The following FARS2 variants were observed in gnomAD, a reference collection of about 807,000 sequenced individuals.
FARS2 encodes phenylalanyl-tRNA synthetase 2, mitochondrial.
A neutral mutation model predicts 46.4 loss-of-function variants in FARS2; 40 were observed. That is an observed-to-expected ratio of 0.86 (90% confidence interval 0.67 to 1.12). The LOEUF (loss-of-function observed/expected upper bound fraction) is 1.12. Among genes scored for constraint, FARS2 ranks in the 50% most tolerant of loss-of-function variants. The pLI, the probability that FARS2 is intolerant of heterozygous loss-of-function variation, is 0.00. For missense variants in FARS2, 513 were observed against 567.9 expected (o/e 0.90, Z 0.98); for synonymous variants, 234 against 214.9 (o/e 1.09, Z -0.78).
At chr6:5,493,202 T>A (rs1296702763) in intron 4 of FARS2, among the ~76,000 whole-genome samples, 6 of 133,466 alleles carry the variant, frequency 4.5e-5, no homozygotes, top group African/African-American at 1.7e-4. Flanking sequence ...AGAGGGAGAC[T>A]GTGTCTCAAA....
intron 1 of FARS2, among the ~76,000 whole-genome samples, chr6:5,275,669 C>T (rs958043426): frequency 3.9e-5 from 6 of 152,094 alleles, no homozygotes; most frequent in African/African-American, 1.4e-4. Flanking sequence ...TCAGCCACAG[C>T]ACAGATTCTG....
At position 5,511,898 on chromosome 6, in the gene FARS2, C is replaced by T. The variant is rs542919933; in HGVS notation, c.905-33282C>T. On this transcript the variant is annotated intron_variant, in intron 4 of 6. Coordinates refer to ENST00000274680, the MANE Select transcript of FARS2 (RefSeq NM_006567.5). ...TTAGAGGATACAAGAAACCTCTTTC[C>T]ATGTGTACACATTCATTAATCAGAA... Among the ~76,000 whole-genome samples, 63 of 152,290 alleles carry T rather than the reference C, an allele frequency of 4.1e-4. 1 individual carries two copies. In the South Asian group the frequency reaches 0.013, roughly 31 times the overall value.
At chr6:5,373,147 G>T (rs1175750654) in intron 2 of FARS2, among the ~76,000 whole-genome samples, 2 of 152,114 alleles carry the variant, frequency 1.3e-5, no homozygotes, top group African/African-American at 4.8e-5. Context: ...AGCAGTACTT[G>T]AGAGAAAAGG....
At chr6:5,543,920 A>G (rs935770646) in intron 4 of FARS2, among the ~76,000 whole-genome samples, 1 of 147,284 alleles carries the variant, frequency 6.8e-6, no homozygotes, top group African/African-American at 2.5e-5. Context: ...AATTACACTT[A>G]GTGGCCTAAC....
chr6:5,473,854 G>T (rs1272297826), intron 4 of FARS2, among the ~76,000 whole-genome samples: 1 of 152,208 alleles, frequency 6.6e-6, no homozygotes, highest in African/African-American at 2.4e-5. Context: ...CATAAGCAAA[G>T]ATCTCAGTGC....
At chr6:5,705,770 G>A (rs764917743) in intron 6 of FARS2, among the ~76,000 whole-genome samples, 8 of 152,044 alleles carry the variant, frequency 5.3e-5, no homozygotes, top group South Asian at 4.1e-4. Flanking sequence ...CTCAGCTCGC[G>A]CCCCTGTGCC....
intron 5 of FARS2, among the ~76,000 whole-genome samples, chr6:5,581,095 A>G (rs1163626186): frequency 2.0e-5 from 3 of 152,234 alleles, no homozygotes; most frequent in Non-Finnish European, 2.9e-5. Context: ...AAGGTGTGCA[A>G]AATTACAGAG....
At chr6:5,527,905 T>C (rs1769569032) in intron 4 of FARS2, among the ~76,000 whole-genome samples, 1 of 152,306 alleles carries the variant, frequency 6.6e-6, no homozygotes, top group South Asian at 2.1e-4. Context: ...GGAACTTAGA[T>C]TGAAATTTGA....
chr6:5,536,311 G>A (rs771158129), intron 4 of FARS2, among the ~76,000 whole-genome samples: 3 of 152,094 alleles, frequency 2.0e-5, no homozygotes, highest in African/African-American at 4.8e-5. Context: ...GAATACAGGC[G>A]TGAGCCACCG....
rs868696883 is a variant in FARS2, at chr6:5,279,578, A to G, written c.-22+17918A>G. 9.7e-3 allele frequency among the ~76,000 whole-genome samples: 1,435 copies of G among 148,598 alleles called. 22 individuals are homozygous for G. The highest frequency in any genetic ancestry group is 0.033 in the African/African-American group (1,357 of 40,708). ...TAAATGTGTGTGTGTGTGTGTGTATATATATATATTTTATATATATATAAA... is the reference window on the plus strand; with the variant it reads ...TAAATGTGTGTGTGTGTGTGTGTATGTATATATATTTTATATATATATAAA... On this transcript the variant is annotated intron_variant, in intron 1 of 6. Transcript: ENST00000274680.
At chr6:5,350,081 A>C (rs982795893) in intron 1 of FARS2, among the ~76,000 whole-genome samples, 1 of 149,612 alleles carries the variant, frequency 6.7e-6, no homozygotes, top group African/African-American at 2.5e-5. Context: ...CCTTTTCTTT[A>C]CTATTCCCTT....
chr6:5,284,964 C>T lies in FARS2; in HGVS notation c.-22+23304C>T, dbSNP rs147520843. Reference sequence around the variant, plus strand: ...GTGTCTGAAACAAACTCAGTCGTCACCCCCACCCCAAGTCAGCTTCTCACT... The same window carrying T: ...GTGTCTGAAACAAACTCAGTCGTCATCCCCACCCCAAGTCAGCTTCTCACT... On this transcript the variant is annotated intron_variant, in intron 1 of 6. Transcript: ENST00000274680. Among the ~76,000 whole-genome samples the T allele has an allele frequency of 1.2e-4, 19 of 152,290 alleles. No homozygotes were observed. The East Asian group carries it at 3.5e-3, about 28-fold the overall frequency.
intron 4 of FARS2, among the ~76,000 whole-genome samples, chr6:5,443,770 G>A (rs1438170290): frequency 6.6e-6 from 1 of 152,210 alleles, no homozygotes; most frequent in Non-Finnish European, 1.5e-5. Context: ...AACATACATT[G>A]TAGTTGTCAT....
intron 4 of FARS2, among the ~76,000 whole-genome samples, chr6:5,455,553 T>G (rs570355158): frequency 1.3e-5 from 2 of 152,364 alleles, no homozygotes; most frequent in Admixed American, 6.5e-5. Flanking sequence ...CCCATCCTAC[T>G]TCTAATTTGT....
chr6:5,570,870 C>T (rs962633729), intron 5 of FARS2, among the ~76,000 whole-genome samples: 9 of 152,182 alleles, frequency 5.9e-5, no homozygotes, highest in Admixed American at 1.3e-4. Context: ...AAGCCTGATC[C>T]GTCAGGTTCT....
At chr6:5,380,449 T>G (rs1293568776) in intron 2 of FARS2, among the ~76,000 whole-genome samples, 1 of 152,232 alleles carries the variant, frequency 6.6e-6, no homozygotes, top group Non-Finnish European at 1.5e-5. Context: ...AACAGTAAAC[T>G]TCACGCCTTG....
intron 4 of FARS2, among the ~76,000 whole-genome samples, chr6:5,516,506 A>G (rs1357783335): frequency 2.0e-5 from 3 of 152,250 alleles, no homozygotes; most frequent in African/African-American, 7.2e-5. Flanking sequence ...AACGAAAGCT[A>G]TAGGGACCTA....
intron 4 of FARS2, among the ~76,000 whole-genome samples, chr6:5,463,928 C>G (rs1765378814): frequency 6.6e-6 from 1 of 152,156 alleles, no homozygotes; most frequent in South Asian, 2.1e-4. Flanking sequence ...ATGGAAGAGT[C>G]TTTAGTAAGG....
intron 5 of FARS2, among the ~76,000 whole-genome samples, chr6:5,605,101 G>A (rs1013644562): frequency 1.1e-4 from 16 of 152,188 alleles, no homozygotes; most frequent in African/African-American, 3.1e-4. Context: ...ACACACAGCA[G>A]TGACAGATCA....
Sources: gnomAD v4.1 joint callset for allele counts (sites outside exome capture counted in the v4.1 genomes callset) on GRCh38, gnomAD v4.1.1 for gene constraint, MANE v1.5 for transcripts, NCBI Gene and HGNC (gene_info 2026-07-23, HGNC 2026-07-21) for gene names.